ADCY2: variants seen among roughly 807,000 people sequenced by gnomAD.
ADCY2 encodes the protein adenylate cyclase type 2.
In ADCY2, 31 loss-of-function variants were observed where a neutral mutation model predicts 125.2. That is an observed-to-expected ratio of 0.25 (90% CI 0.19 to 0.33). The LOEUF is 0.33. Ranked by LOEUF, ADCY2 falls within the 10% of genes least tolerant of loss-of-function variation. The pLI is 1.00. For synonymous variants in ADCY2, 512 were observed against 548.4 expected (o/e 0.93, Z 0.93); for missense variants, 904 against 1,418.2 (o/e 0.64, Z 5.82).
At chr5:7,598,845 C>T (rs1737101191) in intron 3 of ADCY2, among the ~76,000 whole-genome samples, 1 of 152,224 alleles carries the variant, frequency 6.6e-6, no homozygotes, top group East Asian at 1.9e-4. Flanking sequence ...CCATGTCAGC[C>T]TGGGTCTCCC....
Position 7,546,165 on chromosome 5 carries a change from C to T in ADCY2, c.570+25266C>T, listed in dbSNP as rs1364133339. 4.6e-5 allele frequency among the ~76,000 whole-genome samples: 7 copies of T among 152,124 alleles called. No homozygotes were observed. The East Asian group carries it at 5.8e-4, about 13-fold the overall frequency. On this transcript the variant is annotated intron_variant, in intron 3 of 24. Transcript: ENST00000338316. The stretch of plus-strand genomic sequence containing the variant: ...CCTAATAAGGTTATGTTTTCTTGTG[C>T]GGATTCCTATGGTCCTTTCTTTACA...
chr5:7,656,580 G>C (rs1190615146), intron 4 of ADCY2, among the ~76,000 whole-genome samples: 1 of 152,214 alleles, frequency 6.6e-6, no homozygotes. Context: ...GGGGCCCTGA[G>C]GGCCTTCCTC....
intron 15 of ADCY2, among the ~76,000 whole-genome samples, chr5:7,751,381 A>C (rs1420431398): frequency 6.6e-6 from 1 of 151,922 alleles, no homozygotes; most frequent in Non-Finnish European, 1.5e-5. Context: ...GGTACTTTAT[A>C]ATTTGGTTTT....
intron 4 of ADCY2, among the ~76,000 whole-genome samples, chr5:7,662,836 G>A (rs566230683): frequency 1.1e-4 from 16 of 152,268 alleles, no homozygotes; most frequent in African/African-American, 3.8e-4. Flanking sequence ...GAAGTTCTGG[G>A]TACACTGCCT....
At chr5:7,534,620 T>C (rs578141049) in intron 3 of ADCY2, among the ~76,000 whole-genome samples, 1 of 152,370 alleles carries the variant, frequency 6.6e-6, no homozygotes, top group Non-Finnish European at 1.5e-5. Flanking sequence ...GTTTAGCAGG[T>C]TTGAGTCTCA....
intron 4 of ADCY2, among the ~76,000 whole-genome samples, chr5:7,647,923 C>G (rs971276704): frequency 6.6e-6 from 1 of 152,218 alleles, no homozygotes; most frequent in Non-Finnish European, 1.5e-5. Context: ...AGCGGACCTT[C>G]TCCTTTTCTT....
At chr5:7,626,143 G>T in intron 3 of ADCY2, 24 bp from the exon 4 acceptor site, 2 of 1,605,534 alleles carry the variant, frequency 1.2e-6, no homozygotes, top group South Asian at 2.2e-5. Context: ...TTACCCTATT[G>T]AGCAGCTCTT....
chr5:7,625,386 T>G (rs1738085895), intron 3 of ADCY2, among the ~76,000 whole-genome samples: 1 of 152,236 alleles, frequency 6.6e-6, no homozygotes, highest in Admixed American at 6.5e-5. Context: ...AAGTAAAGTA[T>G]GCCACCAATT....
At chr5:7,772,245 G>C (rs1212437724) in intron 17 of ADCY2, among the ~76,000 whole-genome samples, 1 of 152,182 alleles carries the variant, frequency 6.6e-6, no homozygotes, top group African/African-American at 2.4e-5. Context: ...AGTGGTAAAT[G>C]GGGAGGAAAT....
chr5:7,598,308 G>A (rs1737077953), intron 3 of ADCY2, among the ~76,000 whole-genome samples: 1 of 152,184 alleles, frequency 6.6e-6, no homozygotes, highest in East Asian at 1.9e-4. Flanking sequence ...CAAGGTGGCT[G>A]CAGGGTAGGG....
intron 14 of ADCY2, among the ~76,000 whole-genome samples, chr5:7,735,805 T>C (rs1742232052): frequency 1.3e-5 from 2 of 152,226 alleles, no homozygotes; most frequent in South Asian, 2.1e-4. Context: ...GTCTTTGGTA[T>C]TGGTGTCAGG....
intron 2 of ADCY2, among the ~76,000 whole-genome samples, chr5:7,416,358 C>T (rs1200114785): frequency 6.6e-6 from 1 of 152,146 alleles, no homozygotes; most frequent in Non-Finnish European, 1.5e-5. Flanking sequence ...CACTAGAGCC[C>T]CTTGGAGGGC....
intron 4 of ADCY2, among the ~76,000 whole-genome samples, chr5:7,639,667 G>T (rs1374507110): frequency 6.6e-6 from 1 of 152,170 alleles, no homozygotes; most frequent in Non-Finnish European, 1.5e-5. Flanking sequence ...CATACCTCAT[G>T]ACTGCTCTGG....
chr5:7,412,560 A>T (rs1162275126), intron 1 of ADCY2, among the ~76,000 whole-genome samples: 1 of 152,184 alleles, frequency 6.6e-6, no homozygotes, highest in Non-Finnish European at 1.5e-5. Context: ...AGCAATTGTA[A>T]ACTGTGTCTG....
At chr5:7,552,966 A>C (rs1305154343) in intron 3 of ADCY2, among the ~76,000 whole-genome samples, 1 of 152,180 alleles carries the variant, frequency 6.6e-6, no homozygotes, top group East Asian at 1.9e-4. Flanking sequence ...CTGGGGCTTT[A>C]AACTGGCCAC....
chr5:7,522,795 G>A (rs1744500787), intron 3 of ADCY2, among the ~76,000 whole-genome samples: 1 of 149,122 alleles, frequency 6.7e-6, no homozygotes, highest in Non-Finnish European at 1.5e-5. Flanking sequence ...GCGTGGTGGT[G>A]GGCGCCTGTA....
chr5:7,567,440 T>C (rs56771235), intron 3 of ADCY2, among the ~76,000 whole-genome samples: 4,266 of 152,298 alleles, frequency 0.028, 183 homozygotes, highest in African/African-American at 0.097. Flanking sequence ...TAATTACCAA[T>C]GAAGCTGACA....
At chr5:7,682,279 G>A (rs371020839) in intron 4 of ADCY2, among the ~76,000 whole-genome samples, 1 of 152,194 alleles carries the variant, frequency 6.6e-6, no homozygotes, top group Non-Finnish European at 1.5e-5. Flanking sequence ...AATAATAGGA[G>A]AGGGTGCATT....
intron 3 of ADCY2, among the ~76,000 whole-genome samples, chr5:7,551,933 A>G (rs573576975): frequency 5.9e-5 from 9 of 152,218 alleles, no homozygotes; most frequent in Non-Finnish European, 1.2e-4. Flanking sequence ...CTGTATGTAT[A>G]TGCCTGTGGG....
Sources: allele counts gnomAD v4.1 joint callset (sites outside exome capture counted in the v4.1 genomes callset), GRCh38; gene constraint gnomAD v4.1.1; transcripts MANE v1.5; gene names NCBI Gene and HGNC (gene_info 2026-07-23, HGNC 2026-07-21).